LCLAT1: variants seen among roughly 807,000 people sequenced by gnomAD.
The protein encoded by LCLAT1 is lysocardiolipin acyltransferase 1, also known as 1-AGP acyltransferase 8.
LCLAT1 carries 11 observed loss-of-function variants against 30.7 expected under a neutral mutation model. That is an observed-to-expected ratio of 0.36 (90% CI 0.23 to 0.59). The LOEUF (loss-of-function observed/expected upper bound fraction) is 0.59. LCLAT1 is among the 20% of genes least tolerant of loss of function. The pLI, the probability that LCLAT1 is intolerant of heterozygous loss-of-function variation, is 0.77. For missense variants in LCLAT1, 402 were observed against 458.6 expected, an observed-to-expected ratio of 0.88 and a Z score of 1.13; for synonymous variants, 155 against 151.3, an observed-to-expected ratio of 1.02 and a Z score of -0.18.
chr2:30,550,679 G>T (rs1169271500), intron 3 of LCLAT1, among the ~76,000 whole-genome samples: 1 of 152,054 alleles, frequency 6.6e-6, no homozygotes, highest in Admixed American at 6.6e-5. Context: ...TATCTGTCAG[G>T]TTTCTTTACT....
chr2:30,603,505 G>C (rs2148494190), intron 5 of LCLAT1, among the ~76,000 whole-genome samples: 1 of 151,978 alleles, frequency 6.6e-6, no homozygotes, highest in East Asian at 1.9e-4. Flanking sequence ...TTTCCAACTG[G>C]AGAATTCTGA....
chr2:30,553,784 C>T (rs1182703520), intron 3 of LCLAT1, among the ~76,000 whole-genome samples: 9 of 151,616 alleles, frequency 5.9e-5, no homozygotes, highest in African/African-American at 1.7e-4. Context: ...CACTGCAGTC[C>T]GCAGTCCGGC....
At position 30,586,543 on chromosome 2, in the gene LCLAT1, A is replaced by G. The variant is rs933175325; in HGVS notation, c.628+18367A>G. On this transcript the variant is annotated intron_variant, in intron 5 of 5. Coordinates refer to ENST00000379509, the MANE Select transcript of LCLAT1 (RefSeq NM_001002257.3). ...ACTATAACATCATTGTGACTTAACT[A>G]ATTATTTAGAAATAGGTTCTTTGCA... Among the ~76,000 whole-genome samples, 13 of 152,270 alleles carry G rather than the reference A, an allele frequency of 8.5e-5. No homozygotes were observed. The East Asian group carries it at 2.3e-3, about 27-fold the overall frequency.
At chr2:30,521,488 TCTTC>T (rs1321420338) in intron 1 of LCLAT1, among the ~76,000 whole-genome samples, 2 of 47,886 alleles carry the variant, frequency 4.2e-5, no homozygotes, top group Admixed American at 2.0e-4. Context: ...CTAAACTACT[TCTTC>T]TTTTTTTTTT....
intron 5 of LCLAT1, among the ~76,000 whole-genome samples, chr2:30,590,289 G>T (rs1666632428): frequency 6.7e-6 from 1 of 149,800 alleles, no homozygotes; most frequent in African/African-American, 2.4e-5. Flanking sequence ...TTCCATCATT[G>T]ACTTTAAAAT....
chr2:30,530,954 G>A (rs1685952401), intron 2 of LCLAT1, among the ~76,000 whole-genome samples: 1 of 152,104 alleles, frequency 6.6e-6, no homozygotes, highest in South Asian at 2.1e-4. Flanking sequence ...TTGAGGTTTG[G>A]AATTTATAGG....
chr2:30,568,006 C>A (rs1665574293), intron 4 of LCLAT1, 54 bp from the exon 5 acceptor site: 6 of 919,170 alleles, frequency 6.5e-6, no homozygotes, highest in Non-Finnish European at 1.0e-5. Context: ...TCTTTCCTTA[C>A]CTTGTTTATT....
At chr2:30,571,215 G>A (rs1032078803) in intron 5 of LCLAT1, among the ~76,000 whole-genome samples, 3 of 152,158 alleles carry the variant, frequency 2.0e-5, no homozygotes, top group African/African-American at 7.2e-5. Flanking sequence ...GGGATACAGG[G>A]TTAACCACAA....
intron 3 of LCLAT1, among the ~76,000 whole-genome samples, chr2:30,538,052 C>T (rs540984000): frequency 6.6e-6 from 1 of 151,684 alleles, no homozygotes; most frequent in Non-Finnish European, 1.5e-5. Flanking sequence ...ACATAACACA[C>T]CGAAACCTAT....
At position 30,605,972 on chromosome 2, in the gene LCLAT1, A is replaced by G. The variant is rs1320128338; in HGVS notation, c.629-34145A>G. 4 of 1,265,862 alleles carry G rather than the reference A, an allele frequency of 3.2e-6. No homozygotes were observed. The African/African-American group carries it at 4.7e-5, about 15-fold the overall frequency. The allele number at this position is 1,265,862 out of a possible 1,614,324, so 78.4% of individuals were successfully genotyped here. ...CACAGTTCACAGGAGGGTTCTTGCTACCATGAGAATCTAATGCTCCCCACT... is the reference window on the plus strand; with the variant it reads ...CACAGTTCACAGGAGGGTTCTTGCTGCCATGAGAATCTAATGCTCCCCACT... On this transcript the variant is annotated intron_variant, in intron 5 of 5. Transcript: ENST00000379509.
chr2:30,550,339 TCAC>T (rs1322949358), intron 3 of LCLAT1, among the ~76,000 whole-genome samples: 3 of 152,226 alleles, frequency 2.0e-5, no homozygotes, highest in Non-Finnish European at 4.4e-5. Flanking sequence ...TATTCAGACT[TCAC>T]CAATTTTTCC....
chr2:30,489,935 A>G (rs1408757729), intron 1 of LCLAT1, among the ~76,000 whole-genome samples: 5 of 152,240 alleles, frequency 3.3e-5, no homozygotes, highest in Non-Finnish European at 5.9e-5. Context: ...TAATCTAGCT[A>G]TATCAGCTTC....
At chr2:30,494,711 C>T (rs1684015856) in intron 1 of LCLAT1, among the ~76,000 whole-genome samples, 1 of 150,852 alleles carries the variant, frequency 6.6e-6, no homozygotes, top group South Asian at 2.1e-4. Flanking sequence ...GCTTTGGAAT[C>T]TTGGCTTGCT....
At chr2:30,554,545 G>T (rs1165219075) in intron 3 of LCLAT1, among the ~76,000 whole-genome samples, 3 of 152,058 alleles carry the variant, frequency 2.0e-5, no homozygotes, top group Admixed American at 6.6e-5. Context: ...ATGTCTCTCA[G>T]TTTCCTCATC....
intron 5 of LCLAT1, among the ~76,000 whole-genome samples, chr2:30,597,422 A>C (rs1666970933): frequency 6.6e-6 from 1 of 152,112 alleles, no homozygotes; most frequent in Admixed American, 6.6e-5. Context: ...ATGGGAATTC[A>C]TTTATGATTT....
At chr2:30,584,025 G>A (rs1005179451) in intron 5 of LCLAT1, among the ~76,000 whole-genome samples, 3 of 151,200 alleles carry the variant, frequency 2.0e-5, no homozygotes, top group East Asian at 1.9e-4. Context: ...CCCTCCCCTC[G>A]CCCCCCACCT....
intron 5 of LCLAT1, among the ~76,000 whole-genome samples, chr2:30,625,189 G>C (rs1668446752): frequency 6.6e-6 from 1 of 152,086 alleles, no homozygotes; most frequent in South Asian, 2.1e-4. Flanking sequence ...AAGAACTAGA[G>C]AAACAAGAAC....
rs965899528 is a variant in LCLAT1, at chr2:30,567,332, A to G, written c.512-728A>G. On this transcript the variant is annotated intron_variant, in intron 4 of 5. Coordinates refer to ENST00000379509, the MANE Select transcript of LCLAT1 (RefSeq NM_001002257.3). The stretch of plus-strand genomic sequence containing the variant: ...TGTTATAATTTTTTTTAATTTCAGT[A>G]AGTATAACCGAGCATCTCAGCTTTG... Among the ~76,000 whole-genome samples, 38 of 152,198 alleles carry G rather than the reference A, an allele frequency of 2.5e-4. 1 individual carries two copies. Among genetic ancestry groups the G allele is most frequent in the Non-Finnish European group, 5.0e-4 (34 of 68,032 alleles).
chr2:30,492,375 G>A (rs531741343), intron 1 of LCLAT1, among the ~76,000 whole-genome samples: 1 of 152,026 alleles, frequency 6.6e-6, no homozygotes, highest in Non-Finnish European at 1.5e-5. Flanking sequence ...GGAGTAAAGC[G>A]GGTATATGAG....
Sources: allele counts gnomAD v4.1 joint callset (sites outside exome capture counted in the v4.1 genomes callset), GRCh38; gene constraint gnomAD v4.1.1; transcripts MANE v1.5; gene names NCBI Gene and HGNC (gene_info 2026-07-23, HGNC 2026-07-21).